The following ADGRL2 variants were observed in gnomAD, a reference collection of about 807,000 sequenced individuals.
The protein encoded by ADGRL2 is adhesion G protein-coupled receptor L2.
In ADGRL2, 44 loss-of-function variants were observed where a neutral mutation model predicts 157.4. The observed-to-expected ratio is 0.28, with a 90% CI of 0.22 to 0.36. The LOEUF (loss-of-function observed/expected upper bound fraction) is 0.36. Ranked by LOEUF, ADGRL2 falls within the 10% of genes least tolerant of loss-of-function variation. The pLI, the probability that ADGRL2 is intolerant of heterozygous loss-of-function variation, is 1.00. For missense variants in ADGRL2, 1,510 were observed against 1,768.9 expected (o/e 0.85, Z 2.63); for synonymous variants, 585 against 624.7 (o/e 0.94, Z 0.95).
chr1:81,707,256 A>G (rs1322607716), intron 1 of ADGRL2, among the ~76,000 whole-genome samples: 2 of 152,214 alleles, frequency 1.3e-5, no homozygotes, highest in Admixed American at 6.5e-5. Flanking sequence ...GACTAAGGCC[A>G]TAAATCACAA....
intron 1 of ADGRL2, among the ~76,000 whole-genome samples, chr1:81,338,834 C>A (rs924170610): frequency 1.3e-5 from 2 of 152,166 alleles, no homozygotes; most frequent in Non-Finnish European, 2.9e-5. Context: ...AACCTCCTAA[C>A]AAGTTTATGG....
intron 1 of ADGRL2, among the ~76,000 whole-genome samples, chr1:81,381,451 C>G (rs1406082684): frequency 6.6e-6 from 1 of 152,024 alleles, no homozygotes; most frequent in African/African-American, 2.4e-5. Context: ...GGTGGCACAC[C>G]TGTAGTCCCA....
At chr1:81,892,787 T>A (rs1390702039) in intron 2 of ADGRL2, among the ~76,000 whole-genome samples, 2 of 152,180 alleles carry the variant, frequency 1.3e-5, no homozygotes, top group African/African-American at 2.4e-5. Context: ...TTATGTGTCA[T>A]GAAATATTGT....
chr1:81,935,492 G>A (rs2095297488), intron 3 of ADGRL2, among the ~76,000 whole-genome samples: 1 of 151,930 alleles, frequency 6.6e-6, no homozygotes, highest in South Asian at 2.1e-4. Context: ...TGGCACCAAA[G>A]TATACGACTG....
intron 2 of ADGRL2, among the ~76,000 whole-genome samples, chr1:81,882,625 A>G (rs1484940305): frequency 1.3e-5 from 2 of 152,172 alleles, no homozygotes; most frequent in African/African-American, 2.4e-5. Context: ...ATGCTCCACA[A>G]TCCCCTCTCA....
intron 3 of ADGRL2, among the ~76,000 whole-genome samples, chr1:81,618,063 G>GT (rs77158555): frequency 0.14 from 20,863 of 149,364 alleles, 1,951 homozygotes; most frequent in Non-Finnish European, 0.2. Context: ...GTTATGTTGG[G>GT]TTTTTTTTTT....
intron 2 of ADGRL2, among the ~76,000 whole-genome samples, chr1:81,562,932 C>T (rs1250482806): frequency 6.6e-6 from 1 of 152,126 alleles, no homozygotes; most frequent in Non-Finnish European, 1.5e-5. Flanking sequence ...TTCATTTATT[C>T]ATTCGCCCAT....
chr1:81,383,976 A>AAGAAC (rs2076391413), intron 1 of ADGRL2, among the ~76,000 whole-genome samples: 1 of 151,350 alleles, frequency 6.6e-6, no homozygotes, highest in Non-Finnish European at 1.5e-5. Context: ...AAGAAAAGAA[A>AAGAAC]AGAAAAAAAA....
chr1:81,542,857 A>G (rs1279769678), intron 2 of ADGRL2, among the ~76,000 whole-genome samples: 1 of 152,214 alleles, frequency 6.6e-6, no homozygotes, highest in Non-Finnish European at 1.5e-5. Flanking sequence ...TGTTGCTTAT[A>G]AAAATCATAG....
intron 11 of ADGRL2, among the ~76,000 whole-genome samples, chr1:81,963,502 A>G (rs964864005): frequency 2.6e-5 from 4 of 151,922 alleles, no homozygotes; most frequent in African/African-American, 4.8e-5. Context: ...TGTTTGCTAT[A>G]TATGTTTTGG....
chr1:81,316,173 C>T (rs888936297), intron 1 of ADGRL2, among the ~76,000 whole-genome samples: 2 of 151,788 alleles, frequency 1.3e-5, no homozygotes, highest in Non-Finnish European at 2.9e-5. Flanking sequence ...CAAGGAGACA[C>T]CACCTTTTTA....
chr1:81,425,442 G>C (rs879589479), intron 1 of ADGRL2, among the ~76,000 whole-genome samples: 2 of 152,082 alleles, frequency 1.3e-5, no homozygotes, highest in African/African-American at 4.8e-5. Flanking sequence ...CGTGCATTAG[G>C]TACACTTGGG....
chr1:81,319,692 A>T (rs1368644335), intron 1 of ADGRL2, among the ~76,000 whole-genome samples: 1 of 152,224 alleles, frequency 6.6e-6, no homozygotes, highest in Non-Finnish European at 1.5e-5. Flanking sequence ...TGCATTCATT[A>T]ATTTCACTTC....
intron 2 of ADGRL2, among the ~76,000 whole-genome samples, chr1:81,460,690 C>G (rs1051990889): frequency 6.6e-6 from 1 of 152,110 alleles, no homozygotes; most frequent in Non-Finnish European, 1.5e-5. Flanking sequence ...AAGAGCCACC[C>G]CTTTTACTTT....
chr1:81,550,682 G>A (rs925042262), intron 2 of ADGRL2, among the ~76,000 whole-genome samples: 2 of 152,140 alleles, frequency 1.3e-5, no homozygotes, highest in Admixed American at 6.6e-5. Context: ...AATATGCCAT[G>A]CTGTTCGAGA....
At chr1:81,593,439 G>T (rs2081172025) in intron 3 of ADGRL2, among the ~76,000 whole-genome samples, 1 of 152,132 alleles carries the variant, frequency 6.6e-6, no homozygotes, top group Non-Finnish European at 1.5e-5. Context: ...TCTACCTCAT[G>T]AGATCACTGT....
At chr1:81,410,607 G>T (rs984296019) in intron 1 of ADGRL2, among the ~76,000 whole-genome samples, 1 of 152,194 alleles carries the variant, frequency 6.6e-6, no homozygotes, top group Non-Finnish European at 1.5e-5. Context: ...AGACTGACAA[G>T]CCCTGGCCTT....
intron 2 of ADGRL2, chr1:81,502,109 G>C: frequency 6.3e-7 from 1 of 1,597,824 alleles, no homozygotes; most frequent in Non-Finnish European, 8.5e-7. Flanking sequence ...AGTTGCAGAG[G>C]TGGCTGAGAA....
At chr1:81,466,389 T>C (rs2078053672) in intron 2 of ADGRL2, among the ~76,000 whole-genome samples, 2 of 152,202 alleles carry the variant, frequency 1.3e-5, no homozygotes, top group South Asian at 4.1e-4. Flanking sequence ...GACTAGGCCG[T>C]GGCATTACAG....
Sources: gnomAD v4.1 joint callset for allele counts (sites outside exome capture counted in the v4.1 genomes callset) on GRCh38, gnomAD v4.1.1 for gene constraint, MANE v1.5 for transcripts, NCBI Gene and HGNC (gene_info 2026-07-23, HGNC 2026-07-21) for gene names.